Variants in DLC1 observed in about 807,000 individuals in gnomAD.
DLC1 encodes rho GTPase-activating protein 7.
A neutral mutation model predicts 140.3 loss-of-function variants in DLC1; 54 were observed. The observed-to-expected ratio is 0.38, with a 90% CI of 0.31 to 0.48. The LOEUF (loss-of-function observed/expected upper bound fraction) is 0.48. Among genes scored for constraint, DLC1 ranks in the 20% least tolerant of loss-of-function variants. The pLI, the probability that DLC1 is intolerant of heterozygous loss-of-function variation, is 0.96. For missense variants in DLC1, 2,536 were observed against 1,907.0 expected, an observed-to-expected ratio of 1.33 and a Z score of -6.14; for synonymous variants, 986 against 728.1, an observed-to-expected ratio of 1.35 and a Z score of -5.70.
At chr8:13,259,796 GTT>G (rs367852891) in intron 5 of DLC1, among the ~76,000 whole-genome samples, 11,657 of 148,184 alleles carry the variant, frequency 0.079, 482 homozygotes, top group African/African-American at 0.12. Context: ...CAACAGATGG[GTT>G]TTTTTTTTTC....
In DLC1 at chr8:13,393,655, A is replaced by G. The variant is rs147993923; in HGVS notation, c.1212T>C (p.Ile404=). 6.2e-7 allele frequency: 1 copy of G among 1,613,982 alleles called. No homozygotes were observed. The highest frequency in any genetic ancestry group is 8.5e-7 in the Non-Finnish European group (1 of 1,180,028). The change falls in exon 4 of 18, where the codon ATT becomes ATC. Residue 404 remains isoleucine, a synonymous_variant. Transcript: ENST00000276297. ...ESGSESGADT[I]SVNQTRVNLS... is the part of the protein sequence containing the mutation. ...AATTTACTCGTGTCTGATTTACTGA[A>G]ATGGTATCTGCTCCACTTTCAGATC...
intron 6 of DLC1, 99 bp downstream of exon 6, chr8:13,115,487 A>T: frequency 1.7e-6 from 2 of 1,143,604 alleles, no homozygotes; most frequent in Non-Finnish European, 2.5e-6. Flanking sequence ...TAAAACATTT[A>T]AACGATAAAA....
At chr8:13,253,274 C>G (rs1189139005) in intron 5 of DLC1, among the ~76,000 whole-genome samples, 1 of 152,120 alleles carries the variant, frequency 6.6e-6, no homozygotes, top group Non-Finnish European at 1.5e-5. Context: ...AAGGAAGAAG[C>G]TGTTCTTGGT....
chr8:13,276,624 C>G (rs929935654), intron 5 of DLC1: 45 of 1,218,244 alleles, frequency 3.7e-5, no homozygotes, highest in Non-Finnish European at 4.4e-5. Context: ...CGGCGACACC[C>G]TCGCGGGGCG....
At position 13,110,845 on chromosome 8, in the gene DLC1, G is replaced by A. The variant is rs73554472; in HGVS notation, c.1421-22C>T. The A allele has an allele frequency of 2.6e-3, 4,128 of 1,611,482 alleles. 80 individuals are homozygous for A. In the African/African-American group the frequency reaches 0.05, roughly 20 times the overall value. On this transcript the variant is annotated intron_variant, in intron 6 of 17. Transcript: ENST00000276297. ...AAATCTATGAGAAAAATAAACAGAT[G>A]TATTTGTTGAGCGCCTAAAACCCAA...
chr8:13,099,409 C>T lies in DLC1; in HGVS notation c.2928G>A (p.Glu976=), dbSNP rs1363561721. 4 of 1,614,122 alleles carry T rather than the reference C, an allele frequency of 2.5e-6. No homozygotes were observed. The highest frequency in any genetic ancestry group is 2.2e-5 in the South Asian group (2 of 91,068). ...STGNSLNEPE[E]PSEIPERRDS... is the part of the protein sequence containing the mutation. ...CCCTTCTTTCCGGGATCTCGGAGGG[C>T]TCTTCCGGTTCATTCAGGGAGTTGC... is the stretch of plus-strand genomic sequence containing the variant. Residue 976 remains glutamate, a synonymous_variant, in exon 9 of 18, where the codon GAG becomes GAA. Coordinates refer to ENST00000276297, the MANE Select transcript of DLC1 (RefSeq NM_182643.3).
At position 13,230,848 on chromosome 8, in the gene DLC1, C is replaced by T. The variant is rs371837909; in HGVS notation, c.1348+74421G>A. On this transcript the variant is annotated intron_variant, in intron 5 of 17. Coordinates refer to ENST00000276297, the MANE Select transcript of DLC1 (RefSeq NM_182643.3). ...CTGACCTCAGGTGATCTGCCCACCTCGGCCTCCCAAAGTGCTGGGGTTATA... is the reference window on the plus strand; with the variant it reads ...CTGACCTCAGGTGATCTGCCCACCTTGGCCTCCCAAAGTGCTGGGGTTATA... Among the ~76,000 whole-genome samples, 598 of 152,126 alleles carry T rather than the reference C, an allele frequency of 3.9e-3. 5 individuals are homozygous for T. The highest frequency in any genetic ancestry group is 0.014 in the African/African-American group (561 of 41,496).
chr8:13,085,254 CT>C lies in DLC1; in HGVS notation c.*556del, dbSNP rs1817460303. ...TCAGATATTCCAGGTTAAACTGAAC[CT>C]GATGCATCAATCTCCTTCTTGGAGG... On this transcript the variant is annotated 3_prime_UTR_variant, in exon 18 of 18. Transcript: ENST00000276297. 1 of 152,640 alleles carries C rather than the reference CT, an allele frequency of 6.6e-6. No homozygotes were observed. Among genetic ancestry groups the C allele is most frequent in the African/African-American group, 2.4e-5 (1 of 41,440 alleles). 9.5% of individuals were successfully genotyped at this position (152,640 alleles called of 1,614,324 possible).
Position 13,552,165 on chromosome 8 carries a change from A to ACC in DLC1, c.-125-51970_-125-51969insGG, listed in dbSNP as rs1405149547. ...TATCTGTCTAGAGGTACATATATATATCTGTCTAGAGGTGTATATATATAC... is the reference window on the plus strand; with the variant it reads ...TATCTGTCTAGAGGTACATATATATACCTCTGTCTAGAGGTGTATATATATAC... On this transcript the variant is annotated intron_variant, in intron 1 of 1. Coordinates refer to the DLC1 transcript ENST00000631382. Among the ~76,000 whole-genome samples, 7 of 138,808 alleles carry ACC rather than the reference A, an allele frequency of 5.0e-5. No homozygotes were observed. The South Asian group carries it at 9.1e-4, about 18-fold the overall frequency. The allele number at this position is 138,808 out of a possible 152,430, so 91.1% of individuals were successfully genotyped here. A position where few individuals can be genotyped will look rare whatever the true frequency, so the allele number is the denominator to read the frequency against.
chr8:13,410,653 A>T (rs1837743096), intron 2 of DLC1, among the ~76,000 whole-genome samples: 1 of 72,926 alleles, frequency 1.4e-5, no homozygotes. Flanking sequence ...AGACCATTAT[A>T]AAAAAAAAAC....
At chr8:13,468,339 T>TTCCCC (rs769649730) in intron 2 of DLC1, among the ~76,000 whole-genome samples, 6,769 of 59,670 alleles carry the variant, frequency 0.11, 1,017 homozygotes, top group Non-Finnish European at 0.18. Flanking sequence ...CTTCCCCCCA[T>TTCCCC]TCCCCTCCCC....
intron 4 of DLC1, among the ~76,000 whole-genome samples, chr8:13,383,588 C>A (rs542351704): frequency 6.6e-6 from 1 of 152,236 alleles, no homozygotes; most frequent in African/African-American, 2.4e-5. Context: ...AGTTGCCACC[C>A]AATAATTCTT....
At chr8:13,267,818 GAA>G (rs1830754045) in intron 5 of DLC1, among the ~76,000 whole-genome samples, 1 of 150,624 alleles carries the variant, frequency 6.6e-6, no homozygotes, top group Non-Finnish European at 1.5e-5. Flanking sequence ...AAGAAAGAAA[GAA>G]CCAAGAGAGA....
chr8:13,532,015 A>T (rs1328088533), intron 1 of DLC1, among the ~76,000 whole-genome samples: 1 of 152,244 alleles, frequency 6.6e-6, no homozygotes, highest in Non-Finnish European at 1.5e-5. Context: ...CTCCAGGCAG[A>T]AGCCTAAGTC....
At chr8:13,175,632 T>C (rs1825719399) in intron 5 of DLC1, among the ~76,000 whole-genome samples, 1 of 152,192 alleles carries the variant, frequency 6.6e-6, no homozygotes, top group African/African-American at 2.4e-5. Context: ...CTTCTCTCAA[T>C]GTGCACTATC....
intron 4 of DLC1, chr8:13,339,593 G>C (rs1031805674): frequency 2.4e-4 from 37 of 152,186 alleles, no homozygotes; most frequent in African/African-American, 7.7e-4. Context: ...TATGTCGCCT[G>C]TTTTGAAATA....
At chr8:13,350,523 C>G in intron 4 of DLC1, among the ~76,000 whole-genome samples, 1 of 152,048 alleles carries the variant, frequency 6.6e-6, no homozygotes. Context: ...TGAAACCAGC[C>G]AGGCCAACAT....
chr8:13,153,393 T>A (rs1332451681), intron 5 of DLC1, among the ~76,000 whole-genome samples: 2 of 152,182 alleles, frequency 1.3e-5, no homozygotes, highest in Non-Finnish European at 2.9e-5. Context: ...ACCTTCACAG[T>A]GACTGTTACA....
At chr8:13,484,589 G>C (rs10097349) in intron 2 of DLC1, among the ~76,000 whole-genome samples, 3,572 of 152,034 alleles carry the variant, frequency 0.023, 156 homozygotes, top group African/African-American at 0.082. Context: ...ACGAGTGATG[G>C]CTATTGGTTA....
Sources: allele counts gnomAD v4.1 joint callset (sites outside exome capture counted in the v4.1 genomes callset), GRCh38; gene constraint gnomAD v4.1.1; transcripts MANE v1.5; gene names NCBI Gene and HGNC (gene_info 2026-07-23, HGNC 2026-07-21).